CECR2: variants seen among roughly 807,000 people sequenced by gnomAD.
CECR2 encodes CECR2 histone acetyl-lysine reader, also known as chromatin remodeling regulator CECR2.
Under a neutral mutation model 154.5 loss-of-function variants are expected in CECR2, and 30 were observed. The observed-to-expected ratio is 0.19, with a 90% CI of 0.15 to 0.26. The LOEUF (loss-of-function observed/expected upper bound fraction) is 0.26, where lower values mean the gene tolerates loss of function less well. CECR2 is among the 10% of genes least tolerant of loss of function. The pLI is 1.00. For missense variants in CECR2, 1,743 were observed against 1,829.3 expected (o/e 0.95, Z 0.86); for synonymous variants, 725 against 683.7 (o/e 1.06, Z -0.94).
intron 3 of CECR2, among the ~76,000 whole-genome samples, chr22:17,497,880 G>T (rs552463240): frequency 6.6e-6 from 1 of 152,164 alleles, no homozygotes; most frequent in African/African-American, 2.4e-5. Context: ...GACCCTGTTT[G>T]TTCTGTCATC....
chr22:17,487,741 G>A (rs1016537317), intron 2 of CECR2, among the ~76,000 whole-genome samples: 3 of 151,996 alleles, frequency 2.0e-5, no homozygotes, highest in African/African-American at 4.8e-5. Flanking sequence ...CCTTTTGTCC[G>A]TACATCTTTA....
chr22:17,418,720 C>A, intron 1 of CECR2: 1 of 517,266 alleles, frequency 1.9e-6, no homozygotes, highest in Non-Finnish European at 2.8e-6. Flanking sequence ...TGGATTTGGG[C>A]AAAGACCCCA....
chr22:17,450,989 A>G (rs563854762), intron 1 of CECR2, among the ~76,000 whole-genome samples: 2 of 152,360 alleles, frequency 1.3e-5, no homozygotes, highest in African/African-American at 4.8e-5. Context: ...ATGCACTAGC[A>G]GCAGCTAGAG....
intron 1 of CECR2, among the ~76,000 whole-genome samples, chr22:17,376,401 T>TTGGTGTATTAG (rs371323450): frequency 1.3e-5 from 2 of 152,120 alleles, no homozygotes; most frequent in Admixed American, 6.5e-5. Context: ...TAGGAAAGCC[T>TTGGTGTATTAG]AAAATACACC....
At chr22:17,403,600 G>T (rs935289889) in intron 1 of CECR2, among the ~76,000 whole-genome samples, 1 of 152,062 alleles carries the variant, frequency 6.6e-6, no homozygotes, top group South Asian at 2.1e-4. Flanking sequence ...ATTCAGTAGT[G>T]GGGGGCGAAG....
intron 1 of CECR2, among the ~76,000 whole-genome samples, chr22:17,396,200 C>T (rs2053807119): frequency 6.7e-6 from 1 of 149,380 alleles, no homozygotes; most frequent in Admixed American, 6.7e-5. Context: ...CATGATCATA[C>T]CACTGCACTC....
rs1329005384 is a variant in CECR2 at position 17,548,601 on chromosome 22, A to G, written c.3314A>G (p.Asp1105Gly). The G allele has an allele frequency of 1.9e-6, 3 of 1,613,244 alleles. No individual in the cohort carries two copies. In the South Asian group the frequency reaches 3.3e-5, roughly 18 times the overall value. ...GQNAATPPST[D>G]PGLTGGTVSQ... The stretch of plus-strand genomic sequence containing the variant: ...AACGCAGCGACACCGCCCAGCACAG[A>G]CCCCGGTTTGACGGGAGGCACTGTG... The change falls in exon 17 of 19, where the codon GAC becomes GGC. Residue 1105 changes from aspartate (D) to glycine (G), a missense_variant. Physicochemically the swap from Asp to Gly is moderately conservative, Grantham distance 94. Transcript: ENST00000262608.
At chr22:17,499,906 G>A (rs1431060093) in intron 4 of CECR2, among the ~76,000 whole-genome samples, 2 of 151,962 alleles carry the variant, frequency 1.3e-5, no homozygotes, top group Non-Finnish European at 2.9e-5. Context: ...TCCTTATTTC[G>A]ACTAGAATTA....
At position 17,548,583 on chromosome 22, in the gene CECR2, C is replaced by G. The variant is rs1468839453; in HGVS notation, c.3296C>G (p.Ala1099Gly). ...ATGCCATGCACGGGACAGAACGCAGCGACACCGCCCAGCACAGACCCCGGT... is the reference window on the plus strand; with the variant it reads ...ATGCCATGCACGGGACAGAACGCAGGGACACCGCCCAGCACAGACCCCGGT... ...ETMPCTGQNA[A>G]TPPSTDPGLT... The change falls in exon 17 of 19, where the codon GCG (alanine) becomes GGG (glycine). Residue 1099 changes from alanine to glycine, a missense_variant. Transcript: ENST00000262608. 6.2e-7 allele frequency: 1 copy of G among 1,613,512 alleles called. No homozygotes were observed. The highest frequency in any genetic ancestry group is 8.5e-7 in the Non-Finnish European group (1 of 1,179,706).
chr22:17,501,642 T>C (rs2055740525), intron 5 of CECR2, among the ~76,000 whole-genome samples: 1 of 152,230 alleles, frequency 6.6e-6, no homozygotes, highest in Non-Finnish European at 1.5e-5. Flanking sequence ...CAGCTTCAGA[T>C]TGCAGCTGCC....
chr22:17,527,393 G>A (rs2056282680), intron 9 of CECR2, among the ~76,000 whole-genome samples: 1 of 152,178 alleles, frequency 6.6e-6, no homozygotes, highest in Non-Finnish European at 1.5e-5. Context: ...GGGAGGTCCA[G>A]GCTCCAGTGA....
rs536630438 is a variant in CECR2, at chr22:17,485,506, G to A, written c.221+7824G>A. On this transcript the variant is annotated intron_variant, in intron 2 of 18. Coordinates refer to ENST00000262608, the MANE Select transcript of CECR2 (RefSeq NM_001290047.2). ...GTATTGGCCGGGCGTGGTGGCTCAC[G>A]CCTGTAATCTCAACACTCTTGGGAG... Among the ~76,000 whole-genome samples, 3 of 152,276 alleles carry A rather than the reference G, an allele frequency of 2.0e-5. No homozygotes were observed. In the South Asian group the frequency reaches 6.2e-4, roughly 32 times the overall value.
At chr22:17,369,050 C>T (rs1165150677), upstream of CECR2, among the ~76,000 whole-genome samples, 5 of 152,142 alleles carry the variant, frequency 3.3e-5, no homozygotes, top group Non-Finnish European at 5.9e-5. Context: ...GCTCTGCCCT[C>T]GGCATCAATA....
At chr22:17,489,356 T>C (rs2055484040) in intron 2 of CECR2, among the ~76,000 whole-genome samples, 1 of 152,238 alleles carries the variant, frequency 6.6e-6, no homozygotes, top group South Asian at 2.1e-4. Flanking sequence ...GTGGAGTGGT[T>C]ATTCATGTGC....
At position 17,549,210 on chromosome 22, in the gene CECR2, G is replaced by A. The variant is rs756812363; in HGVS notation, c.3923G>A (p.Arg1308Gln). 16 of 1,613,896 alleles carry A rather than the reference G, an allele frequency of 9.9e-6. No homozygotes were observed. The highest frequency in any genetic ancestry group is 3.3e-5 in the Admixed American group (2 of 60,008). Residue 1308 changes from arginine to glutamine, a missense_variant, in exon 17 of 19, where the codon CGG becomes CAG. By Grantham distance (43) the Arg-to-Gln change is conservative. Coordinates refer to ENST00000262608, the MANE Select transcript of CECR2 (RefSeq NM_001290047.2). The part of the protein sequence containing the change: ...DLDNHNAATK[R>Q]QSSLSASEYL... ...GACAACCATAACGCAGCTACCAAGCGGCAGAGCTCGTTGTCAGCCAGCGAG... is the reference window on the plus strand; with the variant it reads ...GACAACCATAACGCAGCTACCAAGCAGCAGAGCTCGTTGTCAGCCAGCGAG...
chr22:17,540,205 G>A (rs371211599), intron 13 of CECR2, among the ~76,000 whole-genome samples: 10 of 151,968 alleles, frequency 6.6e-5, no homozygotes, highest in African/African-American at 1.2e-4. Context: ...TAGAAACCAC[G>A]TCTTCTTCAT....
chr22:17,552,267 A>G, intron 18 of CECR2, 125 bp downstream of exon 18: 1 of 806,932 alleles, frequency 1.2e-6, no homozygotes, highest in Non-Finnish European at 2.0e-6. Context: ...CTTTGCCTGT[A>G]TCGTGCTTCC....
intron 1 of CECR2, among the ~76,000 whole-genome samples, chr22:17,469,608 TTC>T (rs546817143): frequency 0.019 from 2,659 of 142,682 alleles, 39 homozygotes; most frequent in African/African-American, 0.041. Context: ...TTTTTTTTTT[TTC>T]CAGTAAGAAT....
chr22:17,368,945 T>C (rs897585874), upstream of CECR2, among the ~76,000 whole-genome samples: 2 of 152,072 alleles, frequency 1.3e-5, no homozygotes, highest in African/African-American at 4.8e-5. Context: ...TTGGGCGCCG[T>C]TCTCGGCTGG....
Sources: gnomAD v4.1 joint callset for allele counts (sites outside exome capture counted in the v4.1 genomes callset) on GRCh38, gnomAD v4.1.1 for gene constraint, MANE v1.5 for transcripts, NCBI Gene and HGNC (gene_info 2026-07-23, HGNC 2026-07-21) for gene names.